Variants in ENTREP2 observed in about 807,000 individuals in gnomAD.
ENTREP2 encodes the protein endosomal transmembrane epsin interactor 2.
chr15:29,333,684 G>A, the ENTREP2 span, among the ~76,000 whole-genome samples: 55 of 152,166 alleles, frequency 3.6e-4, no homozygotes, highest in African/African-American at 6.0e-4. Flanking sequence ...ATTAGTTTTG[G>A]TGGTTATCCT....
At chr15:29,293,352 G>A in the ENTREP2 span, among the ~76,000 whole-genome samples, 3 of 151,768 alleles carry the variant, frequency 2.0e-5, no homozygotes, top group Non-Finnish European at 2.9e-5. Context: ...CTGGGTTCAC[G>A]CCATTCTCCC....
At chr15:29,422,068 A>C in the ENTREP2 span, among the ~76,000 whole-genome samples, 35 of 151,988 alleles carry the variant, frequency 2.3e-4, no homozygotes, top group Non-Finnish European at 3.5e-4. Context: ...AGGAGTTCAA[A>C]ACCAGCCTGG....
At chr15:29,670,945 CA>C in the ENTREP2 span, among the ~76,000 whole-genome samples, 1 of 152,164 alleles carries the variant, frequency 6.6e-6, no homozygotes, top group Non-Finnish European at 1.5e-5. Context: ...AGCCCCTGAA[CA>C]GCTTCAGGAT....
At chr15:29,415,596 G>A in the ENTREP2 span, among the ~76,000 whole-genome samples, 190 of 152,220 alleles carry the variant, frequency 1.2e-3, no homozygotes, top group African/African-American at 4.1e-3. Context: ...GCATAAGACA[G>A]GGATGCCCTC....
At chr15:29,196,027 C>T in the ENTREP2 span, among the ~76,000 whole-genome samples, 1 of 151,980 alleles carries the variant, frequency 6.6e-6, no homozygotes, top group Non-Finnish European at 1.5e-5. Flanking sequence ...GAATAGACTC[C>T]CAGGGGAGAC....
the ENTREP2 span, among the ~76,000 whole-genome samples, chr15:29,429,193 CCA>C: frequency 1.2e-3 from 42 of 36,054 alleles, no homozygotes; most frequent in African/African-American, 3.0e-3. Context: ...GTCTATCTAT[CCA>C]TCCATCCATC....
At chr15:29,555,983 G>C in the ENTREP2 span, among the ~76,000 whole-genome samples, 1 of 152,352 alleles carries the variant, frequency 6.6e-6, no homozygotes, top group South Asian at 2.1e-4. Context: ...GGCCAGGCAC[G>C]GTGCTCACGC....
At chr15:29,309,826 C>A in the ENTREP2 span, among the ~76,000 whole-genome samples, 2 of 151,366 alleles carry the variant, frequency 1.3e-5, no homozygotes, top group Admixed American at 6.6e-5. Flanking sequence ...AATGCCTATC[C>A]CATAGGACGA....
chr15:29,256,071 A>T, the ENTREP2 span, among the ~76,000 whole-genome samples: 1 of 152,070 alleles, frequency 6.6e-6, no homozygotes, highest in Admixed American at 6.6e-5. Context: ...AGTCCATATT[A>T]TATGAATTAA....
At chr15:29,204,173 G>C in the ENTREP2 span, among the ~76,000 whole-genome samples, 1 of 152,092 alleles carries the variant, frequency 6.6e-6, no homozygotes, top group Non-Finnish European at 1.5e-5. Context: ...CGGGTCATTG[G>C]GAACGACACC....
the ENTREP2 span, among the ~76,000 whole-genome samples, chr15:29,132,083 C>G: frequency 2.0e-5 from 3 of 152,124 alleles, no homozygotes; most frequent in Admixed American, 6.5e-5. Flanking sequence ...AGCTCCTCCC[C>G]GACAGAGCCC....
chr15:29,491,140 A>T, the ENTREP2 span, among the ~76,000 whole-genome samples: 35 of 152,260 alleles, frequency 2.3e-4, no homozygotes, highest in Non-Finnish European at 3.8e-4. Flanking sequence ...CTCACTGCCC[A>T]GGGCCAGTGG....
At chr15:29,628,399 T>C in the ENTREP2 span, among the ~76,000 whole-genome samples, 1 of 152,238 alleles carries the variant, frequency 6.6e-6, no homozygotes, top group African/African-American at 2.4e-5. Context: ...GATCTTACTC[T>C]CTTTACATTT....
At chr15:29,573,921 A>C in the ENTREP2 span, among the ~76,000 whole-genome samples, 1 of 152,190 alleles carries the variant, frequency 6.6e-6, no homozygotes, top group Non-Finnish European at 1.5e-5. Context: ...AGTTACCTTG[A>C]TGAACACTTG....
chr15:29,362,367 C>CTTTTTTTTTTT, the ENTREP2 span, among the ~76,000 whole-genome samples: 6 of 91,498 alleles, frequency 6.6e-5, no homozygotes, highest in Non-Finnish European at 1.2e-4. Flanking sequence ...TGTTTTTAAT[C>CTTTTTTTTTTT]TTTTTTTTTT....
At chr15:29,650,806 C>A in the ENTREP2 span, among the ~76,000 whole-genome samples, 2 of 151,832 alleles carry the variant, frequency 1.3e-5, no homozygotes, top group African/African-American at 4.8e-5. Context: ...ACCAGGAGTT[C>A]AAGAGCAGCC....
the ENTREP2 span, among the ~76,000 whole-genome samples, chr15:29,440,108 G>T: frequency 6.6e-6 from 1 of 152,192 alleles, no homozygotes; most frequent in African/African-American, 2.4e-5. Flanking sequence ...GAGAAACTGA[G>T]ATTAGAGGAG....
chr15:29,504,956 T>G, the ENTREP2 span, among the ~76,000 whole-genome samples: 1 of 152,254 alleles, frequency 6.6e-6, no homozygotes, highest in Non-Finnish European at 1.5e-5. Context: ...TCTGAAGTTG[T>G]GCAAAGATTT....
the ENTREP2 span, among the ~76,000 whole-genome samples, chr15:29,275,510 AC>A: frequency 6.6e-6 from 1 of 152,236 alleles, no homozygotes; most frequent in East Asian, 1.9e-4. Flanking sequence ...ATTTTCAAAC[AC>A]TTTATGTTAA....
Sources: gnomAD v4.1 joint callset for allele counts (sites outside exome capture counted in the v4.1 genomes callset) on GRCh38, gnomAD v4.1.1 for gene constraint, MANE v1.5 for transcripts, NCBI Gene and HGNC (gene_info 2026-07-23, HGNC 2026-07-21) for gene names.